PTPRZ1: variants seen among roughly 807,000 people sequenced by gnomAD.
PTPRZ1 encodes the protein protein tyrosine phosphatase receptor type Z1, also known as receptor-type tyrosine-protein phosphatase zeta.
In PTPRZ1, 82 loss-of-function variants were observed where a neutral mutation model predicts 214.1. The ratio of observed to expected loss-of-function variants is 0.38; its 90% CI spans 0.32 to 0.46. The LOEUF (loss-of-function observed/expected upper bound fraction) is 0.46. Ranked by LOEUF, PTPRZ1 falls within the 20% of genes least tolerant of loss-of-function variation. PTPRZ1 has a pLI of 1.00. For missense variants in PTPRZ1, 2,603 were observed against 2,748.7 expected (o/e 0.95, Z 1.19); for synonymous variants, 945 against 987.9 (o/e 0.96, Z 0.81).
chr7:122,061,120 T>G lies in PTPRZ1; in HGVS notation c.6848T>G (p.Val2283Gly). 1 of 1,611,454 alleles carries G rather than the reference T, an allele frequency of 6.2e-7. No homozygotes were observed. Among genetic ancestry groups the G allele is most frequent in the Non-Finnish European group, 8.5e-7 (1 of 1,178,140 alleles). ...QFLYKVILSL[V>G]STRQEENPST... ...CTCTACAAAGTGATCCTCAGCCTTGTGAGCACAAGGCAGGAAGAGAATCCA... is the reference window on the plus strand; with the variant it reads ...CTCTACAAAGTGATCCTCAGCCTTGGGAGCACAAGGCAGGAAGAGAATCCA... Residue 2283 changes from valine to glycine, a missense_variant, in exon 30 of 30, where the codon GTG (valine) becomes GGG (glycine). This residue lies in a region of PTPRZ1 where 165 missense variants were observed against 151.4 expected (regional missense o/e 1.09). Transcript: ENST00000393386.
In PTPRZ1 at chr7:121,873,327, C is replaced by T. The variant is rs1485989274; in HGVS notation, c.-173C>T. 9.4e-6 allele frequency: 5 copies of T among 532,544 alleles called. No homozygotes were observed. Among genetic ancestry groups the T allele is most frequent in the Non-Finnish European group, 1.6e-5 (5 of 314,070 alleles). 33.0% of individuals were successfully genotyped at this position (532,544 alleles called of 1,614,324 possible). A position where few individuals can be genotyped will look rare whatever the true frequency, so the allele number is the denominator to read the frequency against. ...TGTCTCTGTCTCTGTCTCTCTCTCTCTCACACACACACACACACACACAAA... is the reference window on the plus strand; with the variant it reads ...TGTCTCTGTCTCTGTCTCTCTCTCTTTCACACACACACACACACACACAAA... On this transcript the variant is annotated 5_prime_UTR_variant, in exon 1 of 30. Coordinates refer to ENST00000393386, the MANE Select transcript of PTPRZ1 (RefSeq NM_002851.3).
At chr7:121,892,695 T>TA (rs1794675543) in intron 1 of PTPRZ1, among the ~76,000 whole-genome samples, 2 of 40,714 alleles carry the variant, frequency 4.9e-5, no homozygotes, top group Non-Finnish European at 1.0e-4. Context: ...TATATATATA[T>TA]ATATATATAT....
intron 1 of PTPRZ1, among the ~76,000 whole-genome samples, chr7:121,910,578 C>T (rs893948428): frequency 6.7e-6 from 1 of 150,208 alleles, no homozygotes; most frequent in African/African-American, 2.5e-5. Context: ...GCTTGGCATA[C>T]AGTATGTAAT....
rs748951076 is a variant in PTPRZ1, at chr7:122,044,440, C to T, written c.5956C>T (p.His1986Tyr). ...VQTEEQYVFI[H>Y]DTLVEAILSK... is the part of the protein sequence containing the mutation. ...TTGCCAGGAGCAATATGTCTTCATT[C>T]ATGATACACTGGTTGAGGCCATACT... Residue 1986 changes from histidine (H) to tyrosine (Y), a missense_variant, in exon 23 of 30, where the codon CAT becomes TAT. Transcript: ENST00000393386. 1 of 1,613,774 alleles carries T rather than the reference C, an allele frequency of 6.2e-7. No homozygotes were observed. The highest frequency in any genetic ancestry group is 1.1e-5 in the South Asian group (1 of 91,054).
At chr7:121,963,537 G>A (rs1276633177) in intron 2 of PTPRZ1, among the ~76,000 whole-genome samples, 1 of 152,042 alleles carries the variant, frequency 6.6e-6, no homozygotes, top group Non-Finnish European at 1.5e-5. Context: ...TGGTCTTCTG[G>A]TGCACATGTG....
intron 1 of PTPRZ1, among the ~76,000 whole-genome samples, chr7:121,878,952 A>G (rs990189723): frequency 3.3e-5 from 5 of 152,030 alleles, no homozygotes; most frequent in African/African-American, 1.2e-4. Context: ...CCCTCTTTTG[A>G]TTATGATCTC....
At chr7:122,052,064 T>G in intron 25 of PTPRZ1, 125 bp downstream of exon 25, 2 of 667,830 alleles carry the variant, frequency 3.0e-6, no homozygotes, top group Non-Finnish European at 2.5e-6. Context: ...TTAAATCTGT[T>G]GACTGCAAGC....
At chr7:121,991,561 C>T (rs1437043519) in intron 8 of PTPRZ1, among the ~76,000 whole-genome samples, 1 of 152,112 alleles carries the variant, frequency 6.6e-6, no homozygotes, top group Non-Finnish European at 1.5e-5. Flanking sequence ...AGTAGACTTA[C>T]CTTCTTGAAG....
intron 1 of PTPRZ1, among the ~76,000 whole-genome samples, chr7:121,914,482 G>A (rs781675221): frequency 3.9e-5 from 6 of 152,126 alleles, no homozygotes; most frequent in Non-Finnish European, 5.9e-5. Context: ...AATGAAAGGC[G>A]TCCGAGTGTG....
Position 121,898,236 on chromosome 7 carries a change from C to A in PTPRZ1, c.58+24679C>A, listed in dbSNP as rs146694266. Among the ~76,000 whole-genome samples, 615 of 147,446 alleles carry A rather than the reference C, an allele frequency of 4.2e-3. 9 individuals carry two copies. Among genetic ancestry groups the A allele is most frequent in the African/African-American group, 0.015 (576 of 39,164 alleles). ...ACTGAATTCACTTCAGAGAAGATTT[C>A]TTTTAATTGTAGAATAATGTGATGG... is the stretch of plus-strand genomic sequence containing the variant. On this transcript the variant is annotated intron_variant, in intron 1 of 29. Coordinates refer to ENST00000393386, the MANE Select transcript of PTPRZ1 (RefSeq NM_002851.3).
rs1437341808 is a variant in PTPRZ1, at chr7:121,984,071, A to G, written c.882A>G (p.Arg294=). ...NFREQQYKFS[R]QVFSSYTGKE... ...GAGAGCAACAGTACAAGTTCTCTAG[A>G]CAGGTGTTTTCCTCATACACTGGAA... The change falls in exon 8 of 30, where the codon AGA becomes AGG. Residue 294 remains arginine, a synonymous_variant. Transcript: ENST00000393386. The G allele has an allele frequency of 3.7e-6, 6 of 1,613,696 alleles. No homozygotes were observed. Among genetic ancestry groups the G allele is most frequent in the Non-Finnish European group, 5.1e-6 (6 of 1,179,752 alleles).
intron 6 of PTPRZ1, 53 bp downstream of exon 6, chr7:121,976,904 G>A (rs1797455467): frequency 6.7e-7 from 1 of 1,482,636 alleles, no homozygotes; most frequent in Admixed American, 1.8e-5. Context: ...GGATGGATAA[G>A]AATGTTGACA....
At chr7:121,899,148 T>C (rs1204560887) in intron 1 of PTPRZ1, among the ~76,000 whole-genome samples, 1 of 151,348 alleles carries the variant, frequency 6.6e-6, no homozygotes, top group Non-Finnish European at 1.5e-5. Flanking sequence ...TACTAATGGA[T>C]TTTTTTTTAA....
chr7:122,019,101 C>T (rs181741562), intron 12 of PTPRZ1, 23 bp from the exon 13 acceptor site: 12 of 1,577,810 alleles, frequency 7.6e-6, no homozygotes, highest in Admixed American at 1.8e-5. Context: ...AATATCAATT[C>T]TCTCAATTTT....
intron 13 of PTPRZ1, among the ~76,000 whole-genome samples, chr7:122,026,577 CT>C (rs1421774910): frequency 6.6e-6 from 1 of 152,088 alleles, no homozygotes; most frequent in Non-Finnish European, 1.5e-5. Context: ...TCTCTCATTC[CT>C]CATCAGTCTA....
At chr7:121,876,851 T>A (rs1794078262) in intron 1 of PTPRZ1, among the ~76,000 whole-genome samples, 1 of 152,182 alleles carries the variant, frequency 6.6e-6, no homozygotes, top group Non-Finnish European at 1.5e-5. Context: ...AAATTTTATG[T>A]TGTGGGAATT....
At chr7:122,053,286 T>C (rs1792245977) in intron 25 of PTPRZ1, among the ~76,000 whole-genome samples, 1 of 152,138 alleles carries the variant, frequency 6.6e-6, no homozygotes, top group African/African-American at 2.4e-5. Context: ...ATGTAGTGAC[T>C]GAGAGGTATT....
rs138349768 is a variant in PTPRZ1, at chr7:122,040,843, C to T, written c.5665C>T (p.Arg1889Cys). ...KGSQKGRPSGRVVTQYHYTQW... is the reference protein window; with the variant it reads ...KGSQKGRPSGCVVTQYHYTQW... ...CTCCCAGAAAGGAAGACCCAGTGGA[C>T]GTGTGGTCACACAGTATCACTACAC... The change falls in exon 21 of 30, where the codon CGT becomes TGT. Residue 1889 changes from arginine to cysteine, a missense_variant. Physicochemically the swap from Arg to Cys is radical, Grantham distance 180 (BLOSUM62 -3). Around this residue, in one of 6 missense-constraint regions of PTPRZ1, gnomAD observed 1,913 missense variants for 1,914.3 expected, o/e 1.00. Transcript: ENST00000393386. The T allele has an allele frequency of 2.5e-4, 397 of 1,580,738 alleles. No individual in the cohort carries two copies. Among genetic ancestry groups the T allele is most frequent in the Non-Finnish European group, 3.2e-4 (370 of 1,158,612 alleles).
At chr7:122,036,806 G>T (rs1799557619) in intron 18 of PTPRZ1, 124 bp downstream of exon 18, 5 of 629,176 alleles carry the variant, frequency 7.9e-6, no homozygotes, top group South Asian at 2.7e-5. Context: ...GAATAAAAAT[G>T]GTAAAGTAAC....
Sources: gnomAD v4.1 joint callset for allele counts (sites outside exome capture counted in the v4.1 genomes callset) on GRCh38, gnomAD v4.1.1 for gene constraint, gnomAD v4.1.1 regional missense constraint, MANE v1.5 for transcripts, NCBI Gene and HGNC (gene_info 2026-07-23, HGNC 2026-07-21) for gene names.